The following THSD4 variants were observed in gnomAD, a reference collection of about 807,000 sequenced individuals.
THSD4 encodes thrombospondin type 1 domain containing 4.
THSD4 carries 69 observed loss-of-function variants against 119.0 expected under a neutral mutation model. That is an observed-to-expected ratio of 0.58 (90% CI 0.48 to 0.71). The LOEUF (loss-of-function observed/expected upper bound fraction) is 0.71, where lower values mean the gene tolerates loss of function less well. Among genes scored for constraint, THSD4 ranks in the 30% least tolerant of loss-of-function variants. The pLI is 0.00. For synonymous variants in THSD4, 524 were observed against 540.4 expected (o/e 0.97, Z 0.42); for missense variants, 1,393 against 1,391.1 (o/e 1.00, Z -0.02).
In THSD4 at chr15:71,341,921, A is replaced by T. The variant is rs558044958; in HGVS notation, c.1016-69766A>T. Among the ~76,000 whole-genome samples, 150 of 152,268 alleles carry T rather than the reference A, an allele frequency of 9.9e-4. 1 individual carries two copies. Among genetic ancestry groups the T allele is most frequent in the African/African-American group, 3.3e-3 (137 of 41,546 alleles). On this transcript the variant is annotated intron_variant, in intron 6 of 17. Transcript: ENST00000261862. ...TTTTTCTAAAAGTAGCTTGTGTTCA[A>T]CATAAAGTATTCAAACAATCCAATT...
At chr15:71,459,058 G>A (rs2047378784) in intron 7 of THSD4, among the ~76,000 whole-genome samples, 1 of 151,934 alleles carries the variant, frequency 6.6e-6, no homozygotes, top group African/African-American at 2.4e-5. Flanking sequence ...TTATATTTTA[G>A]GGACCTGAAA....
chr15:71,199,463 GTGTGTGTGT>G (rs2043749511), intron 3 of THSD4, among the ~76,000 whole-genome samples: 1 of 139,784 alleles, frequency 7.2e-6, no homozygotes, highest in Non-Finnish European at 1.6e-5. Context: ...GGGGGGGGGT[GTGTGTGTGT>G]GGTGTGTGTG....
At chr15:71,478,619 G>A (rs1276028626) in intron 7 of THSD4, among the ~76,000 whole-genome samples, 1 of 152,212 alleles carries the variant, frequency 6.6e-6, no homozygotes, top group Non-Finnish European at 1.5e-5. Context: ...TAGGAGGCAA[G>A]TAGAAAGAAT....
At chr15:71,185,820 C>A (rs28366568) in intron 3 of THSD4, 24,181 of 152,052 alleles carry the variant, frequency 0.16, 2,029 homozygotes, top group Admixed American at 0.21. Flanking sequence ...GTGATGTACC[C>A]ACCCCTCCCT....
At chr15:71,742,820 C>T (rs1399150759) in intron 11 of THSD4, among the ~76,000 whole-genome samples, 4 of 151,972 alleles carry the variant, frequency 2.6e-5, no homozygotes, top group East Asian at 1.9e-4. Context: ...TTTGGGAGGC[C>T]GAGGTGGGCA....
At chr15:71,190,692 CTGAAATGGG>C (rs775385115) in intron 3 of THSD4, among the ~76,000 whole-genome samples, 8 of 152,166 alleles carry the variant, frequency 5.3e-5, no homozygotes, top group Non-Finnish European at 1.2e-4. Flanking sequence ...TGACAGGAGG[CTGAAATGGG>C]TGGTAGCCAC....
chr15:71,684,807 T>C (rs1436986674), intron 8 of THSD4, among the ~76,000 whole-genome samples: 2 of 152,168 alleles, frequency 1.3e-5, no homozygotes, highest in South Asian at 4.1e-4. Context: ...GAAAAGCTTA[T>C]ATAATAATCT....
chr15:71,723,052 ATGGATG>A (rs2052752615), intron 8 of THSD4, among the ~76,000 whole-genome samples: 1 of 147,854 alleles, frequency 6.8e-6, no homozygotes, highest in Non-Finnish European at 1.5e-5. Flanking sequence ...GCAACGTTCT[ATGGATG>A]GACATTTAGG....
chr15:71,726,799 T>A (rs960310494), intron 8 of THSD4, among the ~76,000 whole-genome samples: 1 of 152,106 alleles, frequency 6.6e-6, no homozygotes, highest in Admixed American at 6.5e-5. Flanking sequence ...TAGCAGAGCA[T>A]GGTGGTGAAT....
intron 1 of THSD4, among the ~76,000 whole-genome samples, chr15:71,097,232 C>G (rs928102798): frequency 1.3e-5 from 2 of 152,060 alleles, no homozygotes; most frequent in Non-Finnish European, 2.9e-5. Flanking sequence ...AACCTGGCAG[C>G]ATTGCTAAAT....
chr15:71,538,193 GAATATAGA>G (rs2048712148), intron 7 of THSD4, among the ~76,000 whole-genome samples: 2 of 152,078 alleles, frequency 1.3e-5, no homozygotes. Context: ...CCCACATTAA[GAATATAGA>G]AATATAGACA....
chr15:71,471,677 G>A (rs145704355), intron 7 of THSD4, among the ~76,000 whole-genome samples: 161 of 151,490 alleles, frequency 1.1e-3, no homozygotes, highest in African/African-American at 3.7e-3. Flanking sequence ...TAGATATGTA[G>A]CCTGAGGCAA....
chr15:71,479,828 C>T (rs2140663439), intron 7 of THSD4, among the ~76,000 whole-genome samples: 2 of 152,220 alleles, frequency 1.3e-5, no homozygotes, highest in South Asian at 4.2e-4. Flanking sequence ...CTTAAAACTG[C>T]TATGAGTTTT....
At chr15:71,145,895 G>T (rs1338498946) in intron 2 of THSD4, among the ~76,000 whole-genome samples, 2 of 152,002 alleles carry the variant, frequency 1.3e-5, no homozygotes, top group African/African-American at 4.8e-5. Flanking sequence ...GGGAAGAGGA[G>T]CAAAGGGAAG....
chr15:71,141,945 A>G (rs757846196), intron 2 of THSD4, among the ~76,000 whole-genome samples: 8 of 152,220 alleles, frequency 5.3e-5, no homozygotes, highest in Non-Finnish European at 1.2e-4. Context: ...CTCTATTAAA[A>G]ATACAAAATT....
chr15:71,249,189 C>G (rs2044234202), intron 5 of THSD4, among the ~76,000 whole-genome samples: 1 of 152,068 alleles, frequency 6.6e-6, no homozygotes, highest in African/African-American at 2.4e-5. Flanking sequence ...CATGTATACA[C>G]ACCACACACA....
intron 7 of THSD4, among the ~76,000 whole-genome samples, chr15:71,560,409 C>T (rs2049094460): frequency 6.6e-6 from 1 of 152,160 alleles, no homozygotes; most frequent in South Asian, 2.1e-4. Context: ...AATCTGCCCT[C>T]TAAAGACAGG....
chr15:71,740,937 G>T (rs1325811530), intron 11 of THSD4, among the ~76,000 whole-genome samples: 2 of 152,122 alleles, frequency 1.3e-5, no homozygotes, highest in African/African-American at 4.8e-5. Context: ...TCCCAGCCCT[G>T]CTTGGCTTGG....
chr15:71,335,398 G>A (rs1341430718), intron 6 of THSD4, among the ~76,000 whole-genome samples: 1 of 152,014 alleles, frequency 6.6e-6, no homozygotes, highest in Non-Finnish European at 1.5e-5. Flanking sequence ...CAACAAAAAT[G>A]CACAGATTTT....
Sources: allele counts gnomAD v4.1 joint callset (sites outside exome capture counted in the v4.1 genomes callset), GRCh38; gene constraint gnomAD v4.1.1; transcripts MANE v1.5; gene names NCBI Gene and HGNC (gene_info 2026-07-23, HGNC 2026-07-21).